CFAP58: variants seen among roughly 807,000 people sequenced by gnomAD.
CFAP58 encodes cilia and flagella associated protein 58, also known as cilia- and flagella-associated protein 58.
In CFAP58, 88 loss-of-function variants were observed where a neutral mutation model predicts 119.5. The ratio of observed to expected loss-of-function variants is 0.74; its 90% CI spans 0.62 to 0.88. The LOEUF is 0.88. Ranked by LOEUF, CFAP58 falls within the 40% of genes least tolerant of loss-of-function variation. The pLI is 0.00. For synonymous variants in CFAP58, 365 were observed against 366.3 expected, an observed-to-expected ratio of 1.00 and a Z score of 0.04; for missense variants, 990 against 1,021.2, an observed-to-expected ratio of 0.97 and a Z score of 0.42.
chr10:104,441,300 G>C (rs1178573875), intron 15 of CFAP58, among the ~76,000 whole-genome samples: 1 of 152,230 alleles, frequency 6.6e-6, no homozygotes, highest in East Asian at 1.9e-4. Flanking sequence ...ACCGTACCCA[G>C]CCGACCTTAC....
chr10:104,421,286 C>T (rs1262853090), intron 15 of CFAP58, among the ~76,000 whole-genome samples: 1 of 152,172 alleles, frequency 6.6e-6, no homozygotes, highest in African/African-American at 2.4e-5. Flanking sequence ...TACTAGCCCC[C>T]TTCTAAGACT....
In CFAP58 at chr10:104,357,806, CATATATATGTACATATAT is replaced by C. The variant is rs1564875321; in HGVS notation, c.10-533_10-516del. ...GTGTTTATATACATATATATACACA[CATATATATGTACATATAT>C]ACACATATATGTACACATATGTACA... is the stretch of plus-strand genomic sequence containing the variant. On this transcript the variant is annotated intron_variant, in intron 1 of 17. Transcript: ENST00000369704. 3.1e-4 allele frequency among the ~76,000 whole-genome samples: 45 copies of C among 145,506 alleles called. 3 individuals are homozygous for C. Among genetic ancestry groups the C allele is most frequent in the African/African-American group, 1.2e-3 (44 of 37,216 alleles).
At chr10:104,434,788 T>C (rs1370088418) in intron 15 of CFAP58, among the ~76,000 whole-genome samples, 1 of 152,226 alleles carries the variant, frequency 6.6e-6, no homozygotes, top group Non-Finnish European at 1.5e-5. Context: ...GAATTGCTCT[T>C]ATCACAACAT....
intron 6 of CFAP58, among the ~76,000 whole-genome samples, chr10:104,368,955 T>C (rs2014788248): frequency 1.3e-5 from 2 of 152,200 alleles, no homozygotes; most frequent in South Asian, 4.1e-4. Context: ...AGACTGATAC[T>C]ACCTAGGGTC....
intron 14 of CFAP58, 149 bp from the exon 15 acceptor site, chr10:104,406,540 A>G (rs964645274): frequency 6.0e-5 from 36 of 595,382 alleles, no homozygotes; most frequent in East Asian, 3.7e-4. Context: ...TTTCTCATCT[A>G]TTATACTTTA....
intron 17 of CFAP58, among the ~76,000 whole-genome samples, chr10:104,450,771 C>G (rs2013183645): frequency 6.6e-6 from 1 of 151,384 alleles, no homozygotes; most frequent in Non-Finnish European, 1.5e-5. Context: ...TCTTGAACTC[C>G]TGGCCTCAAA....
intron 15 of CFAP58, among the ~76,000 whole-genome samples, chr10:104,417,567 GTTTC>G (rs2133063666): frequency 6.6e-6 from 1 of 152,284 alleles, no homozygotes; most frequent in East Asian, 1.9e-4. Flanking sequence ...AGTCTAGAGT[GTTTC>G]TTTGTTGACA....
chr10:104,354,672 A>G (rs1353061518), intron 1 of CFAP58, among the ~76,000 whole-genome samples: 1 of 151,956 alleles, frequency 6.6e-6, no homozygotes, highest in Non-Finnish European at 1.5e-5. Context: ...CCCATCACCC[A>G]TCCCACGGTC....
intron 15 of CFAP58, among the ~76,000 whole-genome samples, chr10:104,445,896 A>G (rs759527251): frequency 1.4e-4 from 22 of 152,230 alleles, no homozygotes; most frequent in Admixed American, 3.9e-4. Flanking sequence ...ACATTTCAAG[A>G]TGCTTGGAGT....
the CFAP58 span, among the ~76,000 whole-genome samples, chr10:104,348,411 C>A: frequency 0.025 from 3,827 of 152,244 alleles, 53 homozygotes; most frequent in African/African-American, 0.038. Context: ...TGTGTTACAG[C>A]ACGCACCTGA....
At chr10:104,372,867 T>C (rs2014842604) in intron 7 of CFAP58, among the ~76,000 whole-genome samples, 1 of 152,204 alleles carries the variant, frequency 6.6e-6, no homozygotes, top group Non-Finnish European at 1.5e-5. Flanking sequence ...CATTATTTCT[T>C]CTTAGGGATC....
At chr10:104,346,904 G>C in the CFAP58 span, among the ~76,000 whole-genome samples, 1 of 151,878 alleles carries the variant, frequency 6.6e-6, no homozygotes, top group African/African-American at 2.4e-5. Context: ...CCAAAGTGCT[G>C]GTATTACAGG....
chr10:104,359,717 A>G (rs888716461), intron 2 of CFAP58, among the ~76,000 whole-genome samples: 3 of 152,228 alleles, frequency 2.0e-5, no homozygotes, highest in African/African-American at 7.2e-5. Context: ...GAATCACTTG[A>G]ACCAGGAGGT....
intron 9 of CFAP58, among the ~76,000 whole-genome samples, chr10:104,389,606 T>C (rs947604764): frequency 1.3e-5 from 2 of 152,226 alleles, no homozygotes; most frequent in South Asian, 2.1e-4. Context: ...CTCAGTTTAC[T>C]GGTTATATCC....
intron 15 of CFAP58, among the ~76,000 whole-genome samples, chr10:104,430,163 A>T (rs1489507542): frequency 6.6e-6 from 1 of 152,252 alleles, no homozygotes; most frequent in African/African-American, 2.4e-5. Context: ...TAGTTAAAAG[A>T]CACGAATGAT....
At chr10:104,447,386 A>C in intron 15 of CFAP58, among the ~76,000 whole-genome samples, 1 of 150,776 alleles carries the variant, frequency 6.6e-6, no homozygotes, top group East Asian at 1.9e-4. Flanking sequence ...AGAGTCAGTC[A>C]CTCCCTCCTT....
chr10:104,438,378 T>G lies in CFAP58; in HGVS notation c.2257-9320T>G, dbSNP rs866872514. 5.2e-4 allele frequency among the ~76,000 whole-genome samples: 55 copies of G among 106,212 alleles called. 1 individual carries two copies. The highest frequency in any genetic ancestry group is 4.4e-3 in the South Asian group (15 of 3,432). 69.7% of individuals were successfully genotyped at this position (106,212 alleles called of 152,430 possible). Reference sequence around the variant, plus strand: ...TTTTTTTTGTTTTTTTTTTTTGTTTTTTTTTTTTGAGACGGAGTCTCGCTC... The same window carrying G: ...TTTTTTTTGTTTTTTTTTTTTGTTTGTTTTTTTTGAGACGGAGTCTCGCTC... On this transcript the variant is annotated intron_variant, in intron 15 of 17. Coordinates refer to ENST00000369704, the MANE Select transcript of CFAP58 (RefSeq NM_001008723.2).
At position 104,364,805 on chromosome 10, in the gene CFAP58, AT is replaced by A; in HGVS notation, c.515del (p.Leu172TyrfsTer5). On this transcript the variant is annotated frameshift_variant, in exon 4 of 18. Transcript: ENST00000369704. LOFTEE classifies it high-confidence loss of function. ...ACCAGCTCTTATCAGAAGTGGTAAA[AT>A]TACGAGAATCCCTAGCTCAGACCAC... Reference protein sequence around the residue: ...RDQLLSEVVKLRESLAQTTEQ... With the variant: ...RDQLLSEVVKXRESLAQTTEQ... 6.2e-7 allele frequency: 1 copy of A among 1,613,088 alleles called. No homozygotes were observed. Among genetic ancestry groups the A allele is most frequent in the Non-Finnish European group, 8.5e-7 (1 of 1,179,588 alleles).
In CFAP58 at chr10:104,446,787, T is replaced by C. The variant is rs1231983095; in HGVS notation, c.2257-911T>C. ...AATCTTTGCTTATATGTAATTTCTT[T>C]AGTTCAAGGGTCGGAAAACACTTTA... On this transcript the variant is annotated intron_variant, in intron 15 of 17. Transcript: ENST00000369704. Among the ~76,000 whole-genome samples the C allele has an allele frequency of 7.2e-5, 11 of 152,340 alleles. No individual in the cohort carries two copies. The South Asian group carries it at 1.7e-3, about 23-fold the overall frequency.
Sources: gnomAD v4.1 joint callset for allele counts (sites outside exome capture counted in the v4.1 genomes callset) on GRCh38, gnomAD v4.1.1 for gene constraint, MANE v1.5 for transcripts, NCBI Gene and HGNC (gene_info 2026-07-23, HGNC 2026-07-21) for gene names.